The following MNAT1 variants were observed in gnomAD, a reference collection of about 807,000 sequenced individuals.
The protein encoded by MNAT1 is MNAT1 component of CDK activating kinase.
A neutral mutation model predicts 42.0 loss-of-function variants in MNAT1; 43 were observed. The observed-to-expected ratio is 1.02, with a 90% CI of 0.80 to 1.32. The LOEUF is 1.32. Among genes scored for constraint, MNAT1 ranks in the 40% most tolerant of loss-of-function variants. The pLI is 0.00. For missense variants in MNAT1, 306 were observed against 350.4 expected (o/e 0.87, Z 1.01); for synonymous variants, 118 against 120.0 (o/e 0.98, Z 0.11).
At chr14:60,931,568 CTGGG>C (rs1402449575) in intron 7 of MNAT1, among the ~76,000 whole-genome samples, 5 of 152,146 alleles carry the variant, frequency 3.3e-5, no homozygotes, top group African/African-American at 1.2e-4. Context: ...CATTGCAGCA[CTGGG>C]TGTAACTTGA....
At chr14:60,893,529 A>G (rs2034888430) in intron 7 of MNAT1, among the ~76,000 whole-genome samples, 1 of 152,170 alleles carries the variant, frequency 6.6e-6, no homozygotes, top group African/African-American at 2.4e-5. Flanking sequence ...GATAAATAAT[A>G]TTTATGCACA....
intron 6 of MNAT1, among the ~76,000 whole-genome samples, chr14:60,867,491 A>G (rs1296843829): frequency 1.3e-5 from 2 of 152,106 alleles, no homozygotes; most frequent in East Asian, 3.9e-4. Context: ...ACATACATTC[A>G]GAAAAAGAAT....
At chr14:60,759,592 G>A (rs1039731866) in intron 1 of MNAT1, among the ~76,000 whole-genome samples, 1 of 152,152 alleles carries the variant, frequency 6.6e-6, no homozygotes, top group African/African-American at 2.4e-5. Flanking sequence ...TAGTTGGCCA[G>A]TTTGATGAAT....
chr14:60,736,183 G>T (rs1441669094), intron 1 of MNAT1, among the ~76,000 whole-genome samples: 1 of 152,150 alleles, frequency 6.6e-6, no homozygotes, highest in Admixed American at 6.5e-5. Context: ...ATGGAAAAGG[G>T]AATTCTACAT....
chr14:60,854,605 G>C (rs1432357030), intron 6 of MNAT1, among the ~76,000 whole-genome samples: 3 of 152,154 alleles, frequency 2.0e-5, no homozygotes, highest in Admixed American at 1.3e-4. Flanking sequence ...TCCAGACCCT[G>C]TTCACTTGGG....
At chr14:60,768,790 A>C (rs2030937243) in intron 1 of MNAT1, among the ~76,000 whole-genome samples, 1 of 152,214 alleles carries the variant, frequency 6.6e-6, no homozygotes, top group Non-Finnish European at 1.5e-5. Flanking sequence ...GCCTAGATTC[A>C]GCTAGGCCTC....
intron 6 of MNAT1, among the ~76,000 whole-genome samples, chr14:60,827,780 ATAG>A (rs2033095934): frequency 1.3e-5 from 2 of 152,348 alleles, no homozygotes; most frequent in East Asian, 1.9e-4. Flanking sequence ...CAAATTAATA[ATAG>A]TCTTATCAGA....
At chr14:60,764,051 C>G (rs904539563) in intron 1 of MNAT1, among the ~76,000 whole-genome samples, 8 of 152,126 alleles carry the variant, frequency 5.3e-5, no homozygotes, top group African/African-American at 1.7e-4. Context: ...CATTGCCTAG[C>G]ATGGAAAATA....
intron 6 of MNAT1, among the ~76,000 whole-genome samples, chr14:60,857,210 G>C (rs565732869): frequency 1.6e-4 from 24 of 152,200 alleles, no homozygotes; most frequent in Non-Finnish European, 2.9e-4. Flanking sequence ...ACAGATGTAC[G>C]AGGAGATGAA....
chr14:60,869,040 A>ATATATATATATTTTTTTT (rs1465360826), intron 6 of MNAT1, among the ~76,000 whole-genome samples: 9 of 113,024 alleles, frequency 8.0e-5, no homozygotes, highest in African/African-American at 3.1e-4. Context: ...ATATATATAT[A>ATATATATATATTTTTTTT]TTTTTTTTTT....
intron 7 of MNAT1, among the ~76,000 whole-genome samples, chr14:60,958,312 A>C (rs1411886255): frequency 1.3e-5 from 2 of 148,308 alleles, no homozygotes; most frequent in Non-Finnish European, 3.0e-5. Context: ...TTTGGTTGGC[A>C]TTTTTTTTTT....
intron 6 of MNAT1, among the ~76,000 whole-genome samples, chr14:60,835,404 C>T (rs1009136336): frequency 1.3e-5 from 2 of 152,150 alleles, no homozygotes; most frequent in Admixed American, 6.6e-5. Context: ...ATATTTAGTG[C>T]TTCCTTCAGG....
intron 7 of MNAT1, among the ~76,000 whole-genome samples, chr14:60,936,661 T>C (rs1368970902): frequency 6.6e-6 from 1 of 152,168 alleles, no homozygotes; most frequent in Non-Finnish European, 1.5e-5. Context: ...GTCTTTGCTA[T>C]TGTGAATAGT....
intron 6 of MNAT1, among the ~76,000 whole-genome samples, chr14:60,823,917 G>A (rs1278445856): frequency 1.3e-5 from 2 of 152,146 alleles, no homozygotes. Context: ...CCAGCACTTT[G>A]GGAGGGTGAG....
At chr14:60,903,098 G>T in intron 7 of MNAT1, among the ~76,000 whole-genome samples, 1 of 149,586 alleles carries the variant, frequency 6.7e-6, no homozygotes, top group Non-Finnish European at 1.5e-5. Context: ...AATGCCTCAA[G>T]TGTTTCATCA....
intron 7 of MNAT1, among the ~76,000 whole-genome samples, chr14:60,901,488 A>G (rs921342627): frequency 2.6e-5 from 4 of 152,222 alleles, no homozygotes; most frequent in Non-Finnish European, 5.9e-5. Flanking sequence ...TCATAGTGCT[A>G]TAGCTGCCAT....
At chr14:60,812,703 T>A (rs1302263310) in intron 5 of MNAT1, among the ~76,000 whole-genome samples, 1 of 152,214 alleles carries the variant, frequency 6.6e-6, no homozygotes, top group Non-Finnish European at 1.5e-5. Flanking sequence ...TGCTTACTCA[T>A]AAGCTAATTC....
At chr14:60,844,225 T>A (rs1164788407) in intron 6 of MNAT1, among the ~76,000 whole-genome samples, 1 of 152,164 alleles carries the variant, frequency 6.6e-6, no homozygotes, top group Non-Finnish European at 1.5e-5. Context: ...TTGCATATCC[T>A]TAACATTTTA....
At chr14:60,966,477 G>T (rs1440539197) in intron 7 of MNAT1, among the ~76,000 whole-genome samples, 13 of 152,060 alleles carry the variant, frequency 8.5e-5, no homozygotes, top group Non-Finnish European at 1.9e-4. Context: ...ATGAGGATAT[G>T]TAAGATACAG....
Sources: allele counts gnomAD v4.1 joint callset (sites outside exome capture counted in the v4.1 genomes callset), GRCh38; gene constraint gnomAD v4.1.1; transcripts MANE v1.5; gene names NCBI Gene and HGNC (gene_info 2026-07-23, HGNC 2026-07-21).